The following CATSPERE variants were observed in gnomAD, a reference collection of about 807,000 sequenced individuals.
CATSPERE encodes cation channel sperm-associated auxiliary subunit epsilon.
A neutral mutation model predicts 114.1 loss-of-function variants in CATSPERE; 93 were observed. The ratio of observed to expected loss-of-function variants is 0.81; its 90% CI spans 0.69 to 0.97. CATSPERE has a LOEUF of 0.97. Among genes scored for constraint, CATSPERE ranks in the 50% least tolerant of loss-of-function variants. The pLI, the probability that CATSPERE is intolerant of heterozygous loss-of-function variation, is 0.00. For missense variants in CATSPERE, 1,058 were observed against 1,131.6 expected, an observed-to-expected ratio of 0.93 and a Z score of 0.93; for synonymous variants, 341 against 384.1, an observed-to-expected ratio of 0.89 and a Z score of 1.31.
At chr1:244,479,876 G>T in intron 5 of CATSPERE, 92 bp downstream of exon 5, 1 of 604,728 alleles carries the variant, frequency 1.7e-6, no homozygotes, top group South Asian at 3.5e-5. Context: ...TCTATATTAC[G>T]GTTTCCATAC....
At chr1:244,495,992 A>G (rs7535949) in intron 6 of CATSPERE, among the ~76,000 whole-genome samples, 9,923 of 152,238 alleles carry the variant, frequency 0.065, 1,127 homozygotes, top group African/African-American at 0.23. Flanking sequence ...TGCAAAACCT[A>G]TTTCCATGAC....
chr1:244,621,107 T>A lies in CATSPERE; in HGVS notation c.2648+3421T>A, dbSNP rs1347326529. Among the ~76,000 whole-genome samples the A allele has an allele frequency of 5.8e-4, 32 of 55,300 alleles. 1 individual carries two copies. Among genetic ancestry groups the A allele is most frequent in the East Asian group, 1.3e-3 (3 of 2,390 alleles). The allele number at this position is 55,300 out of a possible 152,430, so 36.3% of individuals were successfully genotyped here. A position where few individuals can be genotyped will look rare whatever the true frequency, so the allele number is the denominator to read the frequency against. ...TAAATATATATAAAATATATATAAATATATATATAATATATATATAAATAT... is the reference window on the plus strand; with the variant it reads ...TAAATATATATAAAATATATATAAAAATATATATAATATATATATAAATAT... On this transcript the variant is annotated intron_variant, in intron 20 of 21. Transcript: ENST00000366534.
At chr1:244,553,601 ATAC>A (rs1558484531) in intron 9 of CATSPERE, among the ~76,000 whole-genome samples, 1 of 85,032 alleles carries the variant, frequency 1.2e-5, no homozygotes, top group Non-Finnish European at 2.3e-5. Context: ...AAAAAAAAAA[ATAC>A]ACACACACAC....
In CATSPERE at chr1:244,575,867, G is replaced by A. The variant is rs1030216865; in HGVS notation, c.1950+3095G>A. Among the ~76,000 whole-genome samples, 4 of 151,700 alleles carry A rather than the reference G, an allele frequency of 2.6e-5. No individual in the cohort carries two copies. In the East Asian group the frequency reaches 7.8e-4, roughly 30 times the overall value. On this transcript the variant is annotated intron_variant, in intron 11 of 21. Coordinates refer to ENST00000366534, the MANE Select transcript of CATSPERE (RefSeq NM_001130957.2). The surrounding 1 kb of genome is among the most constrained non-coding windows in gnomAD (Gnocchi z 4.5). ...TTGCTGGAGGATTGTGTGAGGTTCA[G>A]TCTCTCCCTAATGGGGATTTTTCAC... is the stretch of plus-strand genomic sequence containing the variant.
chr1:244,506,444 A>G (rs888413817), intron 7 of CATSPERE, among the ~76,000 whole-genome samples: 1 of 152,116 alleles, frequency 6.6e-6, no homozygotes, highest in African/African-American at 2.4e-5. Context: ...TGGTAATTCT[A>G]TTTTTATTGT....
At chr1:244,580,647 C>T (rs1320916445) in intron 11 of CATSPERE, among the ~76,000 whole-genome samples, 1 of 152,118 alleles carries the variant, frequency 6.6e-6, no homozygotes, top group Admixed American at 6.5e-5. Flanking sequence ...CTGTGTTTTC[C>T]CTGATCAGAA....
At chr1:244,520,108 A>G (rs1455691313) in intron 8 of CATSPERE, among the ~76,000 whole-genome samples, 1 of 152,144 alleles carries the variant, frequency 6.6e-6, no homozygotes, top group Non-Finnish European at 1.5e-5. Flanking sequence ...TCTTCATGAT[A>G]CCCTTAAAGC....
At chr1:244,579,823 A>G (rs1294038291) in intron 11 of CATSPERE, among the ~76,000 whole-genome samples, 1 of 152,226 alleles carries the variant, frequency 6.6e-6, no homozygotes, top group Non-Finnish European at 1.5e-5. Context: ...GAATAATAGT[A>G]ATGAAAGTAA....
intron 18 of CATSPERE, among the ~76,000 whole-genome samples, chr1:244,609,500 G>A (rs555413678): frequency 6.6e-5 from 10 of 151,970 alleles, no homozygotes; most frequent in Admixed American, 3.9e-4. Flanking sequence ...ACAGGTGCAC[G>A]CCACCACACC....
chr1:244,595,512 G>A (rs574065957), intron 17 of CATSPERE, among the ~76,000 whole-genome samples: 1 of 152,136 alleles, frequency 6.6e-6, no homozygotes, highest in African/African-American at 2.4e-5. Flanking sequence ...TAGTTCAAAC[G>A]GTGTGATATT....
intron 2 of CATSPERE, among the ~76,000 whole-genome samples, chr1:244,476,655 G>C (rs1236348775): frequency 6.6e-6 from 1 of 152,044 alleles, no homozygotes; most frequent in Admixed American, 6.6e-5. Context: ...ATATAATTTT[G>C]TGTCACAAAT....
intron 5 of CATSPERE, among the ~76,000 whole-genome samples, chr1:244,487,729 G>T (rs926872626): frequency 1.3e-5 from 2 of 152,128 alleles, no homozygotes; most frequent in Admixed American, 6.6e-5. Flanking sequence ...CAGGACCCAA[G>T]GTGCCAGAGC....
chr1:244,460,447 T>G (rs1192173339), upstream of CATSPERE, among the ~76,000 whole-genome samples: 2 of 152,100 alleles, frequency 1.3e-5, no homozygotes, highest in Non-Finnish European at 1.5e-5. Context: ...CAGCTTCTAC[T>G]CCCTATGATT....
chr1:244,569,513 GTAACT>G, intron 10 of CATSPERE, among the ~76,000 whole-genome samples: 1 of 152,082 alleles, frequency 6.6e-6, no homozygotes, highest in East Asian at 1.9e-4. Flanking sequence ...GTAACTTCCT[GTAACT>G]TTTTGGAGGG....
At chr1:244,603,754 C>A (rs1366998252) in intron 17 of CATSPERE, among the ~76,000 whole-genome samples, 1 of 151,814 alleles carries the variant, frequency 6.6e-6, no homozygotes, top group East Asian at 1.9e-4. Context: ...ACCTGTAATC[C>A]CAGTGCTTTG....
At chr1:244,451,941 G>A (rs1665636473), upstream of CATSPERE, 1 of 1,008,944 alleles carries the variant, frequency 9.9e-7, no homozygotes. The surrounding 1 kb of genome is among the most constrained non-coding windows in gnomAD (Gnocchi z 6.6). Flanking sequence ...CCCCGCCCCC[G>A]CCCCGCCGGG....
Position 244,632,340 on chromosome 1 carries a change from G to A in CATSPERE, c.2649-3149G>A, listed in dbSNP as rs539943419. On this transcript the variant is annotated intron_variant, in intron 20 of 21. Coordinates refer to ENST00000366534, the MANE Select transcript of CATSPERE (RefSeq NM_001130957.2). ...ACCTGGGAGGCGGAGGTTGCAGTGA[G>A]GCAAGATCATGCCATTGCACTCCAG... is the stretch of plus-strand genomic sequence containing the variant. 1.0e-4 allele frequency among the ~76,000 whole-genome samples: 15 copies of A among 145,178 alleles called. No homozygotes were observed. In the South Asian group the frequency reaches 3.2e-3, roughly 31 times the overall value.
chr1:244,625,406 T>TTATATATATATA (rs35736130), intron 20 of CATSPERE, among the ~76,000 whole-genome samples: 4 of 12,880 alleles, frequency 3.1e-4, no homozygotes, highest in African/African-American at 1.2e-3. Context: ...TTATTATTAT[T>TTATATATATATA]TATATATATA....
At chr1:244,456,006 C>G (rs1358396788) in intron 1 of CATSPERE, among the ~76,000 whole-genome samples, 14 of 152,054 alleles carry the variant, frequency 9.2e-5, no homozygotes. Flanking sequence ...ATAGTAGTTA[C>G]GGAGGCATAC....
Sources: gnomAD v4.1 joint callset for allele counts (sites outside exome capture counted in the v4.1 genomes callset) on GRCh38, gnomAD v4.1.1 for gene constraint, Gnocchi (gnomAD v3.1) non-coding constraint, MANE v1.5 for transcripts, NCBI Gene and HGNC (gene_info 2026-07-23, HGNC 2026-07-21) for gene names.